Variants in PDZD2 observed in about 807,000 individuals in gnomAD.
PDZD2 encodes the protein PDZ domain containing 2.
PDZD2 carries 90 observed loss-of-function variants against 220.7 expected under a neutral mutation model. That is an observed-to-expected ratio of 0.41 (90% CI 0.34 to 0.49). PDZD2 has a LOEUF of 0.49. Among genes scored for constraint, PDZD2 ranks in the 20% least tolerant of loss-of-function variants. The probability of loss-of-function intolerance (pLI) is 0.28; values close to 1 mark genes in which losing one functional copy is unlikely to be tolerated. For missense variants in PDZD2, 3,174 were observed against 3,608.5 expected, an observed-to-expected ratio of 0.88 and a Z score of 3.08; for synonymous variants, 1,375 against 1,450.5, an observed-to-expected ratio of 0.95 and a Z score of 1.18.
intron 1 of PDZD2, among the ~76,000 whole-genome samples, chr5:31,712,440 G>A (rs538828026): frequency 1.7e-4 from 23 of 137,364 alleles, no homozygotes; most frequent in Non-Finnish European, 2.6e-4. Flanking sequence ...GCACTGGGAT[G>A]GCTGGGCCTG....
intron 2 of PDZD2, among the ~76,000 whole-genome samples, chr5:31,971,553 G>A (rs113443743): frequency 8.2e-4 from 125 of 152,206 alleles, no homozygotes; most frequent in Non-Finnish European, 1.5e-3. Context: ...CAATCAAAAA[G>A]CAAAAGCTGT....
chr5:32,004,755 A>G (rs1752672707), intron 5 of PDZD2, among the ~76,000 whole-genome samples: 1 of 152,270 alleles, frequency 6.6e-6, no homozygotes. Context: ...AAAGAACACT[A>G]GAGCCAATGG....
chr5:32,021,453 T>C (rs1187167831), intron 6 of PDZD2, among the ~76,000 whole-genome samples: 1 of 151,976 alleles, frequency 6.6e-6, no homozygotes, highest in African/African-American at 2.4e-5. Flanking sequence ...CCTGCCACCA[T>C]GCCTGGGTGA....
intron 14 of PDZD2, among the ~76,000 whole-genome samples, chr5:32,063,748 G>A (rs1429851952): frequency 6.6e-6 from 1 of 152,138 alleles, no homozygotes; most frequent in Non-Finnish European, 1.5e-5. Flanking sequence ...TGAAGTTCAC[G>A]GGACCTTTAC....
Position 31,907,914 on chromosome 5 carries a change from C to T in PDZD2, c.477-75241C>T, listed in dbSNP as rs527798360. On this transcript the variant is annotated intron_variant, in intron 2 of 24. Transcript: ENST00000438447. ...CCTGGCCAATATGGTGAAACCCCGT[C>T]TTTACTAAAAATACAAAAATTAGCC... Among the ~76,000 whole-genome samples, 43 of 151,932 alleles carry T rather than the reference C, an allele frequency of 2.8e-4. 1 individual carries two copies. The South Asian group carries it at 7.1e-3, about 25-fold the overall frequency.
chr5:31,903,778 T>TA (rs1372900614), intron 2 of PDZD2, among the ~76,000 whole-genome samples: 4 of 152,158 alleles, frequency 2.6e-5, no homozygotes, highest in Non-Finnish European at 5.9e-5. Context: ...GGCTGGAGTG[T>TA]AATGGCGTGA....
intron 1 of PDZD2, among the ~76,000 whole-genome samples, chr5:31,691,701 C>G (rs1747142530): frequency 6.6e-6 from 1 of 152,174 alleles, no homozygotes; most frequent in Non-Finnish European, 1.5e-5. Flanking sequence ...CACAAAGGTT[C>G]TCCATGTCCC....
At chr5:31,941,629 T>C (rs1182536043) in intron 2 of PDZD2, among the ~76,000 whole-genome samples, 2 of 152,186 alleles carry the variant, frequency 1.3e-5, no homozygotes, top group African/African-American at 2.4e-5. Context: ...ATGTACGTAC[T>C]TGGGGACAAC....
At chr5:31,978,749 C>G (rs917413607) in intron 2 of PDZD2, among the ~76,000 whole-genome samples, 42 of 148,408 alleles carry the variant, frequency 2.8e-4, no homozygotes, top group Admixed American at 8.0e-4. Context: ...AAAATACCCC[C>G]TATTTAAAGT....
intron 24 of PDZD2, among the ~76,000 whole-genome samples, chr5:32,105,719 G>A (rs1744698508): frequency 6.6e-6 from 1 of 152,190 alleles, no homozygotes; most frequent in South Asian, 2.1e-4. Context: ...AGCTATGCAA[G>A]ACCTTTTTGG....
intron 6 of PDZD2, among the ~76,000 whole-genome samples, chr5:32,016,027 T>C (rs1581282012): frequency 1.3e-5 from 2 of 152,176 alleles, no homozygotes; most frequent in South Asian, 4.1e-4. Context: ...TTGGAGAACT[T>C]TTGGGCGATT....
At chr5:32,084,087 A>G (rs979052384) in intron 19 of PDZD2, among the ~76,000 whole-genome samples, 3 of 152,362 alleles carry the variant, frequency 2.0e-5, no homozygotes, top group African/African-American at 7.2e-5. Flanking sequence ...AAGCAGGAAC[A>G]TTATGCTTAA....
intron 2 of PDZD2, chr5:31,840,696 A>G (rs1369742408): frequency 1.3e-5 from 10 of 758,672 alleles, no homozygotes; most frequent in African/African-American, 3.4e-5. Context: ...AATGTGCTCA[A>G]TATGCACATT....
chr5:31,725,086 T>A (rs867392460), intron 1 of PDZD2, among the ~76,000 whole-genome samples: 2 of 152,018 alleles, frequency 1.3e-5, no homozygotes, highest in Middle Eastern at 6.8e-3. Context: ...ATCCCAGCAT[T>A]CTGGGGGGCT....
Position 32,058,072 on chromosome 5 carries a change from C to T in PDZD2, c.2169C>T (p.Asp723=), listed in dbSNP as rs1307525465. 1 of 1,601,716 alleles carries T rather than the reference C, an allele frequency of 6.2e-7. No homozygotes were observed. Among genetic ancestry groups the T allele is most frequent in the Non-Finnish European group, 8.6e-7 (1 of 1,168,718 alleles). ...SLGRKTPGPK[D]RIVMEVTLNK... Reference sequence around the variant, plus strand: ...GTCGGAAGACCCCTGGGCCCAAGGACAGGATCGTCATGGAAGTAACACTCA... The same window carrying T: ...GTCGGAAGACCCCTGGGCCCAAGGATAGGATCGTCATGGAAGTAACACTCA... The change falls in exon 12 of 25, where the codon GAC becomes GAT. Residue 723 remains aspartate (D), a synonymous_variant. Transcript: ENST00000438447.
intron 1 of PDZD2, among the ~76,000 whole-genome samples, chr5:31,705,282 T>C (rs1025299387): frequency 6.6e-6 from 1 of 152,048 alleles, no homozygotes; most frequent in African/African-American, 2.4e-5. Flanking sequence ...GGAAGCCTGA[T>C]ACACACACGG....
intron 2 of PDZD2, among the ~76,000 whole-genome samples, chr5:31,978,714 C>CAAAAAAAAAAA (rs10632600): frequency 0.01 from 1,314 of 127,678 alleles, 33 homozygotes; most frequent in African/African-American, 0.027. Context: ...GACTCCATCT[C>CAAAAAAAAAAA]AAAAAAAAAA....
intron 1 of PDZD2, among the ~76,000 whole-genome samples, chr5:31,797,515 AGT>A (rs1561467024): frequency 6.6e-6 from 1 of 151,718 alleles, no homozygotes; most frequent in Admixed American, 6.6e-5. Context: ...TTGTATTTTT[AGT>A]AGAGATGGGG....
intron 2 of PDZD2, among the ~76,000 whole-genome samples, chr5:31,821,369 G>A (rs1001772948): frequency 1.5e-5 from 2 of 137,318 alleles, no homozygotes; most frequent in Admixed American, 1.5e-4. Flanking sequence ...AGTTTGTGAG[G>A]TTTGAGTTAT....
Sources: gnomAD v4.1 joint callset for allele counts (sites outside exome capture counted in the v4.1 genomes callset) on GRCh38, gnomAD v4.1.1 for gene constraint, MANE v1.5 for transcripts, NCBI Gene and HGNC (gene_info 2026-07-23, HGNC 2026-07-21) for gene names.